FAM184B: variants seen among roughly 807,000 people sequenced by gnomAD.
FAM184B encodes the protein protein FAM184B.
Under a neutral mutation model 135.9 loss-of-function variants are expected in FAM184B, and 111 were observed. That is an observed-to-expected ratio of 0.82 (90% CI 0.70 to 0.96). The LOEUF (loss-of-function observed/expected upper bound fraction) is 0.96, where lower values mean the gene tolerates loss of function less well. Among genes scored for constraint, FAM184B ranks in the 40% least tolerant of loss-of-function variants. FAM184B has a pLI of 0.00. For synonymous variants in FAM184B, 552 were observed against 524.8 expected, an observed-to-expected ratio of 1.05 and a Z score of -0.71; for missense variants, 1,375 against 1,323.9, an observed-to-expected ratio of 1.04 and a Z score of -0.60.
chr4:17,780,257 C>T (rs1262415283), intron 1 of FAM184B, among the ~76,000 whole-genome samples: 3 of 152,266 alleles, frequency 2.0e-5, no homozygotes, highest in African/African-American at 7.2e-5. Flanking sequence ...ATGTTCCAGA[C>T]GCTACAGGAC....
At chr4:17,658,885 T>A (rs949360752) in intron 9 of FAM184B, among the ~76,000 whole-genome samples, 1 of 152,028 alleles carries the variant, frequency 6.6e-6, no homozygotes, top group Non-Finnish European at 1.5e-5. Context: ...GCTTCCTCAC[T>A]AAGGATTCTC....
At chr4:17,712,266 T>C (rs1456910739) in intron 1 of FAM184B, among the ~76,000 whole-genome samples, 1 of 152,156 alleles carries the variant, frequency 6.6e-6, no homozygotes, top group Non-Finnish European at 1.5e-5. Flanking sequence ...AGCATGTGAC[T>C]GAGGCCAAGT....
intron 6 of FAM184B, among the ~76,000 whole-genome samples, chr4:17,689,352 C>T (rs1433145724): frequency 6.6e-6 from 1 of 151,860 alleles, no homozygotes; most frequent in African/African-American, 2.4e-5. Context: ...AGAATGAGGC[C>T]AAAAAACATA....
chr4:17,636,897 C>CG (rs988945010), intron 14 of FAM184B, among the ~76,000 whole-genome samples: 9 of 152,138 alleles, frequency 5.9e-5, no homozygotes, highest in Non-Finnish European at 1.0e-4. Flanking sequence ...CTGCACTCAG[C>CG]GGGGCTTCAA....
chr4:17,701,991 G>T (rs758483), intron 5 of FAM184B, among the ~76,000 whole-genome samples: 51,414 of 152,048 alleles, frequency 0.34, 9,178 homozygotes, highest in South Asian at 0.4. Context: ...ATGTCTAGTG[G>T]CTTCCGTATT....
chr4:17,726,623 C>T (rs1010735931), intron 1 of FAM184B, among the ~76,000 whole-genome samples: 3 of 152,200 alleles, frequency 2.0e-5, no homozygotes, highest in Non-Finnish European at 4.4e-5. Context: ...CCACCCATCT[C>T]GGCCTCCCAA....
At position 17,781,467 on chromosome 4, in the gene FAM184B, C is replaced by G; in HGVS notation, c.-168G>C. On this transcript the variant is annotated 5_prime_UTR_variant, in exon 1 of 18. Transcript: ENST00000265018. The surrounding 1 kb of genome is among the most constrained non-coding windows in gnomAD (Gnocchi z 6.5). ...CCCAGCTTCCCGAAGGTCTCCGCCT[C>G]CCGGGCCCACCCGCGCGCCCACCCT... 1.3e-6 allele frequency: 1 copy of G among 767,454 alleles called. No homozygotes were observed. Among genetic ancestry groups the G allele is most frequent in the South Asian group, 2.5e-5 (1 of 40,364 alleles). The allele number at this position is 767,454 out of a possible 1,614,324, so 47.5% of individuals were successfully genotyped here. A position where few individuals can be genotyped will look rare whatever the true frequency, so the allele number is the denominator to read the frequency against.
At chr4:17,667,932 C>G (rs1380431839) in intron 7 of FAM184B, among the ~76,000 whole-genome samples, 3 of 152,162 alleles carry the variant, frequency 2.0e-5, no homozygotes, top group African/African-American at 7.2e-5. Flanking sequence ...TCTTTTAGTT[C>G]TCTCTATCCT....
intron 7 of FAM184B, among the ~76,000 whole-genome samples, chr4:17,669,337 G>A (rs1418718646): frequency 6.6e-6 from 1 of 152,182 alleles, no homozygotes; most frequent in Admixed American, 6.5e-5. Context: ...TAGTCTAGAA[G>A]CAAAATAGCT....
chr4:17,712,394 G>A (rs777220148), intron 1 of FAM184B, among the ~76,000 whole-genome samples: 2 of 152,094 alleles, frequency 1.3e-5, no homozygotes, highest in Non-Finnish European at 1.5e-5. Context: ...TGGTGTAGAC[G>A]CCGTGGAGTC....
intron 1 of FAM184B, among the ~76,000 whole-genome samples, chr4:17,726,405 C>A (rs944889101): frequency 2.5e-4 from 38 of 151,464 alleles, no homozygotes; most frequent in African/African-American, 9.2e-4. Context: ...GAGTTTTGCC[C>A]TTGTTGACCA....
intron 1 of FAM184B, among the ~76,000 whole-genome samples, chr4:17,724,031 G>T (rs1717587534): frequency 6.6e-6 from 1 of 151,804 alleles, no homozygotes; most frequent in Non-Finnish European, 1.5e-5. Flanking sequence ...ACTATACAAT[G>T]TATCCATGTA....
chr4:17,639,099 G>T, intron 14 of FAM184B, 151 bp downstream of exon 14: 1 of 735,550 alleles, frequency 1.4e-6, no homozygotes, highest in Non-Finnish European at 2.2e-6. Context: ...CTCCCAAAGT[G>T]CTGGATTCCA....
rs1238631372 is a variant in FAM184B at position 17,639,333 on chromosome 4, G to T, written c.2583C>A (p.His861Gln). 1 of 1,551,764 alleles carries T rather than the reference G, an allele frequency of 6.4e-7. No individual in the cohort carries two copies. Among genetic ancestry groups the T allele is most frequent in the South Asian group, 1.2e-5 (1 of 84,064 alleles). ...AREVETLRQE[H>Q]RKEMQAMVAD... is the part of the protein sequence containing the mutation. ...CCACCATGGCCTGCATCTCCTTCCG[G>T]TGTTCCTGGCGCAGTGTCTCCACCT... The change falls in exon 14 of 18, where the codon CAC (histidine) becomes CAA (glutamine). Residue 861 changes from histidine (H) to glutamine (Q), a missense_variant. Transcript: ENST00000265018.
At chr4:17,753,030 T>C (rs187847680) in intron 1 of FAM184B, among the ~76,000 whole-genome samples, 1 of 152,216 alleles carries the variant, frequency 6.6e-6, no homozygotes, top group African/African-American at 2.4e-5. Context: ...TGCAAGGTCT[T>C]TTCAATTTGG....
intron 6 of FAM184B, among the ~76,000 whole-genome samples, chr4:17,689,797 T>C (rs1716679051): frequency 6.6e-6 from 1 of 151,954 alleles, no homozygotes; most frequent in African/African-American, 2.4e-5. Flanking sequence ...ACCTCTACAG[T>C]ATTAACTCTT....
chr4:17,718,242 G>A (rs767091334), intron 1 of FAM184B, among the ~76,000 whole-genome samples: 9 of 151,988 alleles, frequency 5.9e-5, no homozygotes, highest in East Asian at 3.9e-4. Flanking sequence ...TACTATTATC[G>A]GTATTACTGC....
intron 7 of FAM184B, among the ~76,000 whole-genome samples, chr4:17,671,919 C>A (rs1716177105): frequency 6.7e-6 from 1 of 148,806 alleles, no homozygotes; most frequent in Non-Finnish European, 1.5e-5. Flanking sequence ...AACTCAAAGA[C>A]AGGTCACTGG....
chr4:17,672,567 G>C (rs1716203536), intron 7 of FAM184B, among the ~76,000 whole-genome samples: 1 of 152,190 alleles, frequency 6.6e-6, no homozygotes, highest in East Asian at 1.9e-4. Flanking sequence ...TACCAATTTT[G>C]CTGAGAGTTT....
Sources: gnomAD v4.1 joint callset for allele counts (sites outside exome capture counted in the v4.1 genomes callset) on GRCh38, gnomAD v4.1.1 for gene constraint, Gnocchi (gnomAD v3.1) non-coding constraint, MANE v1.5 for transcripts, NCBI Gene and HGNC (gene_info 2026-07-23, HGNC 2026-07-21) for gene names.